The following KCNH5 variants were observed in gnomAD, a reference collection of about 807,000 sequenced individuals.
The protein encoded by KCNH5 is potassium voltage-gated channel subfamily H member 5.
Under a neutral mutation model 96.1 loss-of-function variants are expected in KCNH5, and 46 were observed. The ratio of observed to expected loss-of-function variants is 0.48; its 90% CI spans 0.38 to 0.61. The LOEUF is 0.61. Among genes scored for constraint, KCNH5 ranks in the 20% least tolerant of loss-of-function variants. The probability of loss-of-function intolerance (pLI) is 0.00; values close to 1 mark genes in which losing one functional copy is unlikely to be tolerated. For synonymous variants in KCNH5, 439 were observed against 449.8 expected (o/e 0.98, Z 0.30); for missense variants, 907 against 1,225.8 (o/e 0.74, Z 3.88).
chr14:62,853,456 CATA>C (rs869073744), intron 7 of KCNH5, among the ~76,000 whole-genome samples: 2 of 93,306 alleles, frequency 2.1e-5, no homozygotes, highest in South Asian at 8.9e-4. Flanking sequence ...AAAGAATAAT[CATA>C]TATATATATA....
At chr14:62,946,080 T>C (rs186139626) in intron 7 of KCNH5, among the ~76,000 whole-genome samples, 35 of 152,158 alleles carry the variant, frequency 2.3e-4, no homozygotes, top group Admixed American at 1.8e-3. Context: ...TAGGAAGATA[T>C]AGGAGGTTAC....
intron 10 of KCNH5, among the ~76,000 whole-genome samples, chr14:62,737,333 A>G (rs1680168709): frequency 6.6e-6 from 1 of 152,186 alleles, no homozygotes; most frequent in Admixed American, 6.6e-5. Flanking sequence ...TATTGCATGA[A>G]TAGGTTATAT....
At chr14:62,797,159 A>G (rs1304051871) in intron 9 of KCNH5, among the ~76,000 whole-genome samples, 4 of 152,194 alleles carry the variant, frequency 2.6e-5, no homozygotes, top group Non-Finnish European at 5.9e-5. Flanking sequence ...AGGATAAATT[A>G]GTTTTGAAGG....
intron 7 of KCNH5, among the ~76,000 whole-genome samples, chr14:62,858,657 C>T (rs755748698): frequency 1.3e-5 from 2 of 152,088 alleles, no homozygotes; most frequent in African/African-American, 2.4e-5. Flanking sequence ...AATGTAATAT[C>T]GCAGGAACAG....
chr14:63,007,900 T>C (rs1891156303), intron 2 of KCNH5, among the ~76,000 whole-genome samples: 1 of 151,948 alleles, frequency 6.6e-6, no homozygotes, highest in South Asian at 2.1e-4. Context: ...CATTCTCTAT[T>C]TTTCTAAGAG....
chr14:62,713,910 A>G (rs932759500), intron 10 of KCNH5, among the ~76,000 whole-genome samples: 4 of 152,194 alleles, frequency 2.6e-5, no homozygotes, highest in African/African-American at 9.6e-5. Context: ...TTACCAAGAA[A>G]GCTATATTTC....
intron 8 of KCNH5, among the ~76,000 whole-genome samples, chr14:62,837,589 A>G (rs1460287396): frequency 6.6e-6 from 1 of 152,228 alleles, no homozygotes; most frequent in Non-Finnish European, 1.5e-5. Flanking sequence ...AACTTAAATG[A>G]TGATGAAGCA....
At chr14:62,899,558 G>T (rs565899945) in intron 7 of KCNH5, among the ~76,000 whole-genome samples, 1 of 152,114 alleles carries the variant, frequency 6.6e-6, no homozygotes, top group Non-Finnish European at 1.5e-5. Flanking sequence ...GAGGCCGGGC[G>T]CGGTGGCTCA....
intron 8 of KCNH5, among the ~76,000 whole-genome samples, chr14:62,832,414 T>C (rs1887372360): frequency 6.6e-6 from 1 of 152,180 alleles, no homozygotes; most frequent in South Asian, 2.1e-4. Context: ...TCAAGGTTTA[T>C]CTTTTTGATC....
chr14:62,961,900 GAT>G (rs1890215961), intron 6 of KCNH5, among the ~76,000 whole-genome samples: 1 of 151,708 alleles, frequency 6.6e-6, no homozygotes, highest in African/African-American at 2.4e-5. Context: ...AGATGGAGAT[GAT>G]GCAGATGGAG....
At chr14:63,040,361 G>C (rs1891799915) in intron 1 of KCNH5, among the ~76,000 whole-genome samples, 1 of 152,092 alleles carries the variant, frequency 6.6e-6, no homozygotes, top group East Asian at 1.9e-4. Flanking sequence ...TCAGCAATGT[G>C]CTGCATTCAT....
intron 6 of KCNH5, among the ~76,000 whole-genome samples, chr14:62,960,092 G>C (rs1423150974): frequency 1.3e-5 from 2 of 152,112 alleles, no homozygotes; most frequent in Non-Finnish European, 2.9e-5. Context: ...TCAATTCTTT[G>C]AATATGTCAT....
intron 10 of KCNH5, among the ~76,000 whole-genome samples, chr14:62,730,822 C>A (rs915290452): frequency 4.6e-5 from 7 of 152,118 alleles, no homozygotes; most frequent in African/African-American, 1.7e-4. Flanking sequence ...TAGAGTAAAA[C>A]CACAAAGGAA....
intron 6 of KCNH5, among the ~76,000 whole-genome samples, chr14:62,954,744 T>A (rs993218998): frequency 2.0e-5 from 3 of 151,080 alleles, no homozygotes; most frequent in African/African-American, 4.9e-5. Flanking sequence ...GGAAAAGAGG[T>A]TTAATGGACT....
intron 7 of KCNH5, among the ~76,000 whole-genome samples, chr14:62,933,983 T>C (rs994880281): frequency 1.3e-5 from 2 of 152,084 alleles, no homozygotes; most frequent in African/African-American, 4.8e-5. Context: ...CACCACTTTT[T>C]CTCTGGAAAC....
chr14:62,806,914 C>G (rs889806574), intron 8 of KCNH5, among the ~76,000 whole-genome samples: 3 of 152,028 alleles, frequency 2.0e-5, no homozygotes. Flanking sequence ...TAGGCATGTA[C>G]AGGATTGTGG....
chr14:62,743,003 G>A (rs1885302705), intron 10 of KCNH5, among the ~76,000 whole-genome samples: 1 of 152,160 alleles, frequency 6.6e-6, no homozygotes, highest in Non-Finnish European at 1.5e-5. Context: ...AGAAGATGAT[G>A]ACCAGTTTTG....
chr14:63,029,156 G>A (rs528648745), intron 1 of KCNH5, among the ~76,000 whole-genome samples: 16 of 152,232 alleles, frequency 1.1e-4, no homozygotes, highest in South Asian at 4.1e-4. Context: ...TTATAAAACC[G>A]TAGTTGAGTA....
At chr14:62,839,777 C>T (rs180936863) in intron 8 of KCNH5, among the ~76,000 whole-genome samples, 2 of 152,100 alleles carry the variant, frequency 1.3e-5, no homozygotes, top group East Asian at 1.9e-4. Flanking sequence ...ATTTGTTTTC[C>T]ACCTTCAGAC....
Sources: allele counts gnomAD v4.1 joint callset (sites outside exome capture counted in the v4.1 genomes callset), GRCh38; gene constraint gnomAD v4.1.1; transcripts MANE v1.5; gene names NCBI Gene and HGNC (gene_info 2026-07-23, HGNC 2026-07-21).